The following PDCD11 variants were observed in gnomAD, a reference collection of about 807,000 sequenced individuals.
PDCD11 encodes the protein programmed cell death 11.
Under a neutral mutation model 198.9 loss-of-function variants are expected in PDCD11, and 97 were observed. The ratio of observed to expected loss-of-function variants is 0.49; its 90% CI spans 0.41 to 0.58. The LOEUF is 0.58. Ranked by LOEUF, PDCD11 falls within the 20% of genes least tolerant of loss-of-function variation. PDCD11 has a pLI of 0.00. For synonymous variants in PDCD11, 893 were observed against 918.0 expected (o/e 0.97, Z 0.49); for missense variants, 2,102 against 2,312.7 (o/e 0.91, Z 1.87).
At position 103,403,161 on chromosome 10, in the gene PDCD11, T is replaced by G; in HGVS notation, c.278T>G (p.Val93Gly). 1 of 1,614,118 alleles carries G rather than the reference T, an allele frequency of 6.2e-7. No homozygotes were observed. Among genetic ancestry groups the G allele is most frequent in the East Asian group, 2.2e-5 (1 of 44,874 alleles). The change falls in exon 4 of 36, where the codon GTG becomes GGG. Residue 93 changes from valine (V) to glycine (G), a missense_variant. Val to Gly is a moderately radical substitution (Grantham distance 109, BLOSUM62 -3). Transcript: ENST00000369797. ...CGTATTTTGGGTTGCGTGAAAGAGG[T>G]GAATGAACTGGAACTGGTGATTAGT... is the stretch of plus-strand genomic sequence containing the variant. The part of the protein sequence containing the change: ...GMRILGCVKE[V>G]NELELVISLP...
In PDCD11 at chr10:103,421,482, G is replaced by C. The variant is rs539401743; in HGVS notation, c.2412G>C (p.Leu804=). 5.1e-4 allele frequency: 813 copies of C among 1,598,412 alleles called. 14 individuals are homozygous for C. The South Asian group carries it at 8.5e-3, about 17-fold the overall frequency. ...CACTGCGGCTGTCGGACTGTGGTCT[G>C]GGGGACTTGGCTATCACCAGCCTCC... The part of the protein sequence containing the change: ...LLSLRLSDCG[L]GDLAITSLLL... The change falls in exon 17 of 36, where the codon CTG becomes CTC. Residue 804 remains leucine, a synonymous_variant. Transcript: ENST00000369797.
intron 13 of PDCD11, among the ~76,000 whole-genome samples, chr10:103,417,170 T>C (rs1592124087): frequency 2.0e-5 from 3 of 152,262 alleles, no homozygotes; most frequent in South Asian, 2.1e-4. Context: ...ATATTTCTTT[T>C]TTCTTTTCCT....
chr10:103,419,746 A>C (rs1278831168), intron 16 of PDCD11, 38 bp downstream of exon 16: 1 of 1,593,210 alleles, frequency 6.3e-7, no homozygotes, highest in African/African-American at 1.3e-5. Context: ...TTGAGGAGAG[A>C]TACAAGGTCA....
At chr10:103,425,869 TG>T (rs2031675334) in intron 20 of PDCD11, among the ~76,000 whole-genome samples, 1 of 152,014 alleles carries the variant, frequency 6.6e-6, no homozygotes, top group African/African-American at 2.4e-5. Flanking sequence ...TTAATAGAGA[TG>T]GGGTTTCACT....
intron 21 of PDCD11, among the ~76,000 whole-genome samples, chr10:103,431,181 G>A (rs1464062382): frequency 1.3e-5 from 2 of 151,998 alleles, no homozygotes; most frequent in Non-Finnish European, 2.9e-5. Flanking sequence ...GGTTCATTTG[G>A]GCTTAGAAAT....
intron 9 of PDCD11, 78 bp from the exon 10 acceptor site, chr10:103,413,888 C>G: frequency 1.5e-6 from 2 of 1,379,182 alleles, no homozygotes; most frequent in African/African-American, 2.9e-5. Flanking sequence ...AGTGTTGAGT[C>G]CTCTCTATGG....
intron 3 of PDCD11, among the ~76,000 whole-genome samples, chr10:103,401,931 A>G (rs1309789320): frequency 1.3e-5 from 2 of 151,892 alleles, no homozygotes; most frequent in South Asian, 2.1e-4. Flanking sequence ...TTTGGTAGAG[A>G]CGGGGCTTTA....
Position 103,445,656 on chromosome 10 carries a change from G to C in PDCD11, c.*107G>C, listed in dbSNP as rs1452547109. 5 of 850,950 alleles carry C rather than the reference G, an allele frequency of 5.9e-6. No individual in the cohort carries two copies. In the Admixed American group the frequency reaches 1.4e-4, roughly 24 times the overall value. 52.7% of individuals were successfully genotyped at this position (850,950 alleles called of 1,614,324 possible). On this transcript the variant is annotated 3_prime_UTR_variant, in exon 36 of 36. Coordinates refer to ENST00000369797, the MANE Select transcript of PDCD11 (RefSeq NM_014976.2). ...TACCTCAGGACTCTATTTAAATGCT[G>C]CTTTTTCTGCAGCACGCTTGGGGAA... is the stretch of plus-strand genomic sequence containing the variant.
At chr10:103,425,555 C>G (rs371530203) in intron 20 of PDCD11, 30 bp downstream of exon 20, 1 of 1,576,660 alleles carries the variant, frequency 6.3e-7, no homozygotes, top group South Asian at 1.2e-5. Context: ...GGGCTGGCTT[C>G]GAGGGAGATT....
At chr10:103,415,235 A>G (rs1007905809) in intron 12 of PDCD11, 84 bp downstream of exon 12, 24 of 1,391,456 alleles carry the variant, frequency 1.7e-5, no homozygotes, top group Admixed American at 3.6e-5. Flanking sequence ...TTTTTCCACA[A>G]AGTGAGTGTG....
chr10:103,411,402 A>G (rs139998409), intron 8 of PDCD11, among the ~76,000 whole-genome samples: 2 of 152,252 alleles, frequency 1.3e-5, no homozygotes, highest in African/African-American at 4.8e-5. Flanking sequence ...GTCACACACT[A>G]TTGCCCAGAG....
At chr10:103,398,178 T>C (rs528614625) in intron 1 of PDCD11, among the ~76,000 whole-genome samples, 1 of 152,360 alleles carries the variant, frequency 6.6e-6, no homozygotes, top group African/African-American at 2.4e-5. Context: ...ATGTGCTACA[T>C]TGAATCTATA....
chr10:103,445,409 T>C lies in PDCD11; in HGVS notation c.5476T>C (p.Leu1826=). The C allele has an allele frequency of 6.2e-7, 1 of 1,614,248 alleles. No individual in the cohort carries two copies. The highest frequency in any genetic ancestry group is 8.5e-7 in the Non-Finnish European group (1 of 1,180,038). ...DIFERVIHLS[L]APKRMKFFFK... ...CTTTGAGCGGGTCATTCATCTGAGC[T>C]TGGCCCCCAAGAGAATGAAGTTCTT... Residue 1826 remains leucine, a synonymous_variant, in exon 36 of 36, where the codon TTG becomes CTG. Coordinates refer to ENST00000369797, the MANE Select transcript of PDCD11 (RefSeq NM_014976.2).
chr10:103,397,645 G>T (rs929518223), intron 1 of PDCD11, among the ~76,000 whole-genome samples: 1 of 152,248 alleles, frequency 6.6e-6, no homozygotes, highest in African/African-American at 2.4e-5. Flanking sequence ...TGTTGACTAT[G>T]CTGGTCTCGA....
In PDCD11 at chr10:103,434,808, G is replaced by A; in HGVS notation, c.3678G>A (p.Lys1226=). The change falls in exon 25 of 36, where the codon AAG becomes AAA. Residue 1226 remains lysine, a synonymous_variant. Transcript: ENST00000369797. ...TGGTTCTTCCACCAGGTCCTCACAA[G>A]CTTGAGGAAGGGGAAGTGGCCATGG... The part of the protein sequence containing the change: ...LLCLSLTGPH[K]LEEGEVAMGR... 7 of 1,608,934 alleles carry A rather than the reference G, an allele frequency of 4.4e-6. No homozygotes were observed. Among genetic ancestry groups the A allele is most frequent in the Non-Finnish European group, 5.1e-6 (6 of 1,177,744 alleles).
chr10:103,406,603 T>A lies in PDCD11; in HGVS notation c.689-6T>A, dbSNP rs767501249. 6.2e-7 allele frequency: 1 copy of A among 1,613,456 alleles called. No homozygotes were observed. On this transcript the variant is annotated splice_region_variant and splice_polypyrimidine_tract_variant and intron_variant, in intron 6 of 35. Transcript: ENST00000369797. ...TTCCTTTTGGGGCCTGGGTCTGGGC[T>A]TACAGGTGCTAAACTAAAGGTGGGT...
In PDCD11 at chr10:103,406,627, G is replaced by A; in HGVS notation, c.707G>A (p.Gly236Asp). 1 of 1,614,040 alleles carries A rather than the reference G, an allele frequency of 6.2e-7. No individual in the cohort carries two copies. The highest frequency in any genetic ancestry group is 8.5e-7 in the Non-Finnish European group (1 of 1,179,984). Residue 236 changes from glycine (G) to aspartate (D), a missense_variant, in exon 7 of 36, where the codon GGT (glycine) becomes GAT (aspartate). Physicochemically the swap from Gly to Asp is moderately conservative, Grantham distance 94 (BLOSUM62 -1). Transcript: ENST00000369797. ...QKNKGAKLKV[G>D]QYLNCIVEKV... is the part of the protein sequence containing the mutation. ...CTTACAGGTGCTAAACTAAAGGTGG[G>A]TCAGTACCTGAACTGCATTGTTGAA...
Position 103,409,694 on chromosome 10 carries a change from T to A in PDCD11, c.871-5T>A. On this transcript the variant is annotated splice_region_variant and splice_polypyrimidine_tract_variant and intron_variant, in intron 7 of 35. Transcript: ENST00000369797. ...TTTTTTATAACTTGTTCTGTTTATT[T>A]CTAGGTGACTCCATTTGGCCTTACG... The A allele has an allele frequency of 1.2e-6, 2 of 1,609,740 alleles. No homozygotes were observed. Among genetic ancestry groups the A allele is most frequent in the Non-Finnish European group, 1.7e-6 (2 of 1,176,002 alleles).
At chr10:103,437,612 C>A (rs2032204434) in intron 25 of PDCD11, among the ~76,000 whole-genome samples, 1 of 152,160 alleles carries the variant, frequency 6.6e-6, no homozygotes. Flanking sequence ...CTCAACCTCC[C>A]CAGTAGTTGG....
Sources: allele counts gnomAD v4.1 joint callset (sites outside exome capture counted in the v4.1 genomes callset), GRCh38; gene constraint gnomAD v4.1.1; transcripts MANE v1.5; gene names NCBI Gene and HGNC (gene_info 2026-07-23, HGNC 2026-07-21).